The following METTL24 variants were observed in gnomAD, a reference collection of about 807,000 sequenced individuals.
METTL24 encodes the protein methyltransferase like 24, also known as probable methyltransferase-like protein 24.
METTL24 carries 29 observed loss-of-function variants against 32.7 expected under a neutral mutation model. That is an observed-to-expected ratio of 0.89 (90% CI 0.66 to 1.21). METTL24 has a LOEUF of 1.21. Ranked by LOEUF, METTL24 falls within the 50% of genes most tolerant of loss-of-function variation. The pLI, the probability that METTL24 is intolerant of heterozygous loss-of-function variation, is 0.00. For missense variants in METTL24, 439 were observed against 468.1 expected (o/e 0.94, Z 0.57); for synonymous variants, 163 against 179.5 (o/e 0.91, Z 0.73).
chr6:110,271,380 C>G (rs1011122295), intron 4 of METTL24, among the ~76,000 whole-genome samples: 1 of 152,132 alleles, frequency 6.6e-6, no homozygotes, highest in African/African-American at 2.4e-5. Flanking sequence ...ACTGCAACCC[C>G]CACCTCCCTC....
At chr6:110,287,155 T>C (rs566849143) in intron 4 of METTL24, among the ~76,000 whole-genome samples, 2 of 152,296 alleles carry the variant, frequency 1.3e-5, no homozygotes, top group East Asian at 3.9e-4. Flanking sequence ...TTGAAAAATA[T>C]TCAGAAGAGC....
At chr6:110,353,755 T>C in intron 1 of METTL24, among the ~76,000 whole-genome samples, 1 of 152,152 alleles carries the variant, frequency 6.6e-6, no homozygotes, top group East Asian at 1.9e-4. Context: ...GTCTCTCTTT[T>C]GCAAATGGGC....
At chr6:110,302,564 C>T (rs55852983) in intron 3 of METTL24, among the ~76,000 whole-genome samples, 1 of 98,354 alleles carries the variant, frequency 1.0e-5, no homozygotes, top group African/African-American at 6.6e-5. Context: ...TGTATATATA[C>T]ACACATACAC....
chr6:110,303,572 ACCAC>A (rs1771576036), intron 3 of METTL24, among the ~76,000 whole-genome samples: 1 of 152,198 alleles, frequency 6.6e-6, no homozygotes, highest in Admixed American at 6.5e-5. Flanking sequence ...GGCAGAGCCC[ACCAC>A]GGCGCCTCAA....
chr6:110,323,614 C>G (rs548481697), intron 1 of METTL24, among the ~76,000 whole-genome samples: 1 of 152,090 alleles, frequency 6.6e-6, no homozygotes, highest in Non-Finnish European at 1.5e-5. Context: ...GGTAGCCCCT[C>G]CAGTAAAAAG....
chr6:110,247,214 T>A (rs569701043), intron 4 of METTL24, among the ~76,000 whole-genome samples: 1 of 152,348 alleles, frequency 6.6e-6, no homozygotes, highest in East Asian at 1.9e-4. Context: ...AATATCCATT[T>A]AATCCTCTCA....
chr6:110,344,649 T>A (rs187967593), intron 1 of METTL24, among the ~76,000 whole-genome samples: 1 of 152,290 alleles, frequency 6.6e-6, no homozygotes, highest in African/African-American at 2.4e-5. Flanking sequence ...GGAATGTATA[T>A]ACCCCAAGTT....
chr6:110,275,578 T>C (rs1380757715), intron 4 of METTL24, among the ~76,000 whole-genome samples: 1 of 152,188 alleles, frequency 6.6e-6, no homozygotes, highest in Non-Finnish European at 1.5e-5. Context: ...CTTTATTATA[T>C]AATCTTCAAA....
chr6:110,321,936 G>A (rs905003132), intron 2 of METTL24, among the ~76,000 whole-genome samples: 5 of 152,244 alleles, frequency 3.3e-5, no homozygotes, highest in African/African-American at 7.2e-5. Flanking sequence ...AGGATCCCCC[G>A]TGCAGCACCA....
At chr6:110,345,502 A>C (rs1028328827) in intron 1 of METTL24, among the ~76,000 whole-genome samples, 3 of 152,232 alleles carry the variant, frequency 2.0e-5, no homozygotes, top group Admixed American at 2.0e-4. Context: ...CCCTATTCAC[A>C]ATAGCAAAGA....
At chr6:110,268,833 G>A (rs1234229181) in intron 4 of METTL24, among the ~76,000 whole-genome samples, 1 of 152,034 alleles carries the variant, frequency 6.6e-6, no homozygotes, top group African/African-American at 2.4e-5. Context: ...TGTAGAACCT[G>A]GAATAACTGC....
At chr6:110,276,894 G>A (rs926704379) in intron 4 of METTL24, among the ~76,000 whole-genome samples, 1 of 152,112 alleles carries the variant, frequency 6.6e-6, no homozygotes, top group East Asian at 1.9e-4. Context: ...AAAGAACAAG[G>A]GAAAAAGGGC....
chr6:110,256,144 G>A (rs112982173), intron 4 of METTL24, among the ~76,000 whole-genome samples: 3 of 152,022 alleles, frequency 2.0e-5, no homozygotes, highest in African/African-American at 7.3e-5. Flanking sequence ...GAAGTCTCGG[G>A]ATGTGTGTGC....
chr6:110,276,445 T>C (rs1771048902), intron 4 of METTL24, among the ~76,000 whole-genome samples: 1 of 152,146 alleles, frequency 6.6e-6, no homozygotes, highest in African/African-American at 2.4e-5. Flanking sequence ...AGTGAGGCTG[T>C]GTCTTAAAAA....
At chr6:110,292,600 C>T (rs923802093) in intron 4 of METTL24, among the ~76,000 whole-genome samples, 26 of 151,710 alleles carry the variant, frequency 1.7e-4, no homozygotes, top group South Asian at 2.1e-4. Context: ...TCAGTATTTT[C>T]GCAGTTTGTT....
chr6:110,318,872 C>T (rs903101784), intron 2 of METTL24, among the ~76,000 whole-genome samples: 3 of 152,108 alleles, frequency 2.0e-5, no homozygotes, highest in Non-Finnish European at 4.4e-5. Context: ...CTCTTGTAAG[C>T]AAAATAAGTG....
rs2114686154 is a variant in METTL24 at position 110,245,878 on chromosome 6, A to C, written c.*68T>G. On this transcript the variant is annotated 3_prime_UTR_variant, in exon 5 of 5. Coordinates refer to ENST00000338882, the MANE Select transcript of METTL24 (RefSeq NM_001123364.3). Reference sequence around the variant, plus strand: ...AGCAGGAGACTGGATGAGTAAACTCATGATTAGAATTATGGACATGCTGCA... The same window carrying C: ...AGCAGGAGACTGGATGAGTAAACTCCTGATTAGAATTATGGACATGCTGCA... 6.9e-7 allele frequency: 1 copy of C among 1,457,274 alleles called. No homozygotes were observed. The highest frequency in any genetic ancestry group is 2.3e-5 in the East Asian group (1 of 44,018). The allele number at this position is 1,457,274 out of a possible 1,614,324, so 90.3% of individuals were successfully genotyped here.
chr6:110,291,646 A>G lies in METTL24; in HGVS notation c.786+7276T>C, dbSNP rs557056602. ...GTACAGATTATTTCGTCACCCAGGT[A>G]TTAAGCCTAAAACCCATTAGTTATT... On this transcript the variant is annotated intron_variant, in intron 4 of 4. Coordinates refer to ENST00000338882, the MANE Select transcript of METTL24 (RefSeq NM_001123364.3). Among the ~76,000 whole-genome samples, 6 of 152,286 alleles carry G rather than the reference A, an allele frequency of 3.9e-5. 1 individual carries two copies. The highest frequency in any genetic ancestry group is 3.9e-4 in the Admixed American group (6 of 15,288).
At chr6:110,287,627 T>C (rs757159034) in intron 4 of METTL24, among the ~76,000 whole-genome samples, 13 of 152,202 alleles carry the variant, frequency 8.5e-5, no homozygotes, top group Non-Finnish European at 1.9e-4. Context: ...CATCAGGAGC[T>C]AAGGTCTCTG....
Sources: gnomAD v4.1 joint callset for allele counts (sites outside exome capture counted in the v4.1 genomes callset) on GRCh38, gnomAD v4.1.1 for gene constraint, MANE v1.5 for transcripts, NCBI Gene and HGNC (gene_info 2026-07-23, HGNC 2026-07-21) for gene names.